MACROD2: variants seen among roughly 807,000 people sequenced by gnomAD.
MACROD2 encodes ADP-ribose glycohydrolase MACROD2.
MACROD2 carries 36 observed loss-of-function variants against 70.4 expected under a neutral mutation model. The ratio of observed to expected loss-of-function variants is 0.51; its 90% confidence interval spans 0.39 to 0.68. The LOEUF (loss-of-function observed/expected upper bound fraction) is 0.68. Among genes scored for constraint, MACROD2 ranks in the 30% least tolerant of loss-of-function variants. MACROD2 has a pLI of 0.00. For missense variants in MACROD2, 496 were observed against 538.4 expected, an observed-to-expected ratio of 0.92 and a Z score of 0.78; for synonymous variants, 172 against 178.8, an observed-to-expected ratio of 0.96 and a Z score of 0.30.
At chr20:15,827,182 T>C (rs141003132) in intron 8 of MACROD2, among the ~76,000 whole-genome samples, 1 of 152,150 alleles carries the variant, frequency 6.6e-6, no homozygotes, top group East Asian at 1.9e-4. Flanking sequence ...GAAGAAAAAC[T>C]ATGGTAGTAC....
chr20:15,649,107 C>A (rs2049601162), intron 8 of MACROD2, among the ~76,000 whole-genome samples: 1 of 111,394 alleles, frequency 9.0e-6, no homozygotes, highest in Non-Finnish European at 1.9e-5. Flanking sequence ...CCTCCCCTCC[C>A]CTTCCCTCCC....
chr20:15,210,679 G>C (rs1360396670), intron 5 of MACROD2, among the ~76,000 whole-genome samples: 1 of 150,588 alleles, frequency 6.6e-6, no homozygotes, highest in Admixed American at 6.6e-5. Flanking sequence ...GAGCTGTTTA[G>C]ATCATGGGGG....
chr20:15,765,974 T>G (rs1189420534), intron 8 of MACROD2, among the ~76,000 whole-genome samples: 4 of 152,190 alleles, frequency 2.6e-5, no homozygotes, highest in Admixed American at 2.0e-4. Flanking sequence ...AAGAGAGAGA[T>G]AAACTAACTC....
intron 5 of MACROD2, among the ~76,000 whole-genome samples, chr20:15,102,704 C>A (rs996719723): frequency 1.3e-5 from 2 of 148,696 alleles, no homozygotes; most frequent in Non-Finnish European, 3.0e-5. Flanking sequence ...GTCAAATATA[C>A]TAGAAAAGCA....
chr20:14,729,696 A>G (rs1011508103), intron 5 of MACROD2, among the ~76,000 whole-genome samples: 1 of 152,196 alleles, frequency 6.6e-6, no homozygotes, highest in African/African-American at 2.4e-5. Flanking sequence ...TTTATAGCAG[A>G]AAATGAGAGT....
chr20:14,721,922 T>C (rs1387209570), intron 5 of MACROD2, among the ~76,000 whole-genome samples: 1 of 152,140 alleles, frequency 6.6e-6, no homozygotes, highest in Non-Finnish European at 1.5e-5. Flanking sequence ...GTGGTAGAAA[T>C]TATATAGACT....
At chr20:14,421,796 G>A (rs2083878850) in intron 3 of MACROD2, among the ~76,000 whole-genome samples, 1 of 151,738 alleles carries the variant, frequency 6.6e-6, no homozygotes, top group African/African-American at 2.4e-5. Context: ...AAAATTTATT[G>A]CAATTTGTTT....
chr20:14,862,949 G>T (rs1198227168), intron 5 of MACROD2, among the ~76,000 whole-genome samples: 2 of 151,346 alleles, frequency 1.3e-5, no homozygotes, highest in African/African-American at 4.9e-5. Context: ...TGCTGATGTG[G>T]ATGCCACGGC....
At chr20:15,870,827 A>T (rs1050715866) in intron 9 of MACROD2, among the ~76,000 whole-genome samples, 2 of 152,208 alleles carry the variant, frequency 1.3e-5, no homozygotes, top group African/African-American at 2.4e-5. Flanking sequence ...GAAACTCTTA[A>T]GTATTGTTAA....
intron 12 of MACROD2, among the ~76,000 whole-genome samples, chr20:15,949,456 T>C (rs927586640): frequency 6.6e-6 from 1 of 152,160 alleles, no homozygotes; most frequent in Non-Finnish European, 1.5e-5. Context: ...TAACAACAGA[T>C]GTTGCCCAGC....
rs113495895 is a variant in MACROD2 at position 15,679,499 on chromosome 20, T to A, written c.645+179652T>A. On this transcript the variant is annotated intron_variant, in intron 8 of 17. Coordinates refer to ENST00000684519, the MANE Select transcript of MACROD2 (RefSeq NM_001351661.2). ...TCATGCCCTATGCAGTTTTATCCCC[T>A]TGGGCTGAGCCTGTGACTTGCTTAA... 3.5e-3 allele frequency among the ~76,000 whole-genome samples: 533 copies of A among 152,278 alleles called. 5 individuals are homozygous for A. Among genetic ancestry groups the A allele is most frequent in the African/African-American group, 0.013 (522 of 41,572 alleles).
chr20:14,274,380 A>G lies in MACROD2; in HGVS notation c.271+188652A>G, dbSNP rs916364005. ...AAATGTAATCCAGCATATAAACAGA[A>G]CGAAAGACAAAAACCACATGATTAT... On this transcript the variant is annotated intron_variant, in intron 3 of 17. Coordinates refer to ENST00000684519, the MANE Select transcript of MACROD2 (RefSeq NM_001351661.2). 9.2e-5 allele frequency among the ~76,000 whole-genome samples: 14 copies of G among 152,316 alleles called. 1 individual carries two copies. In the East Asian group the frequency reaches 2.1e-3, roughly 23 times the overall value.
intron 8 of MACROD2, among the ~76,000 whole-genome samples, chr20:15,705,501 C>A (rs1301043169): frequency 2.0e-5 from 3 of 152,150 alleles, no homozygotes; most frequent in Non-Finnish European, 4.4e-5. Flanking sequence ...CTCACTGGAA[C>A]CTCGGCCTCC....
intron 7 of MACROD2, among the ~76,000 whole-genome samples, chr20:15,474,326 C>G (rs1300937706): frequency 6.6e-6 from 1 of 151,516 alleles, no homozygotes; most frequent in Admixed American, 6.6e-5. Context: ...TTTTATTATC[C>G]CTTAGGATGA....
At chr20:14,470,785 G>C (rs1473679284) in intron 3 of MACROD2, among the ~76,000 whole-genome samples, 1 of 152,124 alleles carries the variant, frequency 6.6e-6, no homozygotes, top group Admixed American at 6.5e-5. Flanking sequence ...CACCAAGCTC[G>C]AGCATCCCAG....
chr20:14,451,591 C>T (rs576553353), intron 3 of MACROD2, among the ~76,000 whole-genome samples: 3 of 152,262 alleles, frequency 2.0e-5, no homozygotes, highest in Admixed American at 6.5e-5. Flanking sequence ...AATGCTTATT[C>T]GCCTTCTTCC....
At chr20:15,360,716 C>G (rs6043232) in intron 6 of MACROD2, among the ~76,000 whole-genome samples, 28,556 of 151,988 alleles carry the variant, frequency 0.19, 2,867 homozygotes, top group Non-Finnish European at 0.23. Context: ...TTCTCTACAT[C>G]CTTGCCAGCG....
chr20:14,578,970 T>C lies in MACROD2; in HGVS notation c.301+85462T>C, dbSNP rs575425750. On this transcript the variant is annotated intron_variant, in intron 4 of 17. Transcript: ENST00000684519. ...TCTTCCCATGTTTCTTGGAAGTACT[T>C]GCAAATTTTATGGAATGCACTTCTT... Among the ~76,000 whole-genome samples the C allele has an allele frequency of 8.9e-5, 12 of 135,040 alleles. No individual in the cohort carries two copies. The East Asian group carries it at 3.1e-3, about 34-fold the overall frequency. 88.6% of individuals were successfully genotyped at this position (135,040 alleles called of 152,430 possible).
chr20:15,828,749 A>G (rs2064023994), intron 8 of MACROD2, among the ~76,000 whole-genome samples: 1 of 152,242 alleles, frequency 6.6e-6, no homozygotes, highest in Non-Finnish European at 1.5e-5. Flanking sequence ...TAGTGGTCAT[A>G]TATTACCTGT....
Sources: allele counts gnomAD v4.1 joint callset (sites outside exome capture counted in the v4.1 genomes callset), GRCh38; gene constraint gnomAD v4.1.1; transcripts MANE v1.5; gene names NCBI Gene and HGNC (gene_info 2026-07-23, HGNC 2026-07-21).